Variants in BARX2 observed in about 807,000 individuals in gnomAD.
BARX2 encodes the protein BARX homeobox 2.
In BARX2, 11 loss-of-function variants were observed where a neutral mutation model predicts 25.5. The ratio of observed to expected loss-of-function variants is 0.43; its 90% CI spans 0.27 to 0.71. BARX2 has a LOEUF of 0.71. Ranked by LOEUF, BARX2 falls within the 30% of genes least tolerant of loss-of-function variation. The pLI is 0.19. For missense variants in BARX2, 360 were observed against 359.9 expected (o/e 1.00, Z 0.00); for synonymous variants, 137 against 149.5 (o/e 0.92, Z 0.61).
intron 1 of BARX2, among the ~76,000 whole-genome samples, chr11:129,422,226 GC>G (rs1265158279): frequency 1.3e-5 from 2 of 152,104 alleles, no homozygotes; most frequent in Non-Finnish European, 2.9e-5. Context: ...TAAATCATCT[GC>G]CATCCTGGCT....
intron 1 of BARX2, among the ~76,000 whole-genome samples, chr11:129,431,732 A>AT (rs151154433): frequency 1.3e-5 from 2 of 152,056 alleles, no homozygotes; most frequent in Admixed American, 6.5e-5. Flanking sequence ...AGCTTTTTTC[A>AT]TTTTCTTAAC....
Position 129,442,824 on chromosome 11 carries a change from G to T in BARX2, c.489-11G>T. On this transcript the variant is annotated splice_polypyrimidine_tract_variant and intron_variant, in intron 2 of 3. Transcript: ENST00000281437. ...TCTGCTCACCTTTCCTTTGTATCTT[G>T]TGCCTTCTAGGTTGGACTTGGCTCA... 1.2e-6 allele frequency: 2 copies of T among 1,610,494 alleles called. No homozygotes were observed. The highest frequency in any genetic ancestry group is 1.7e-6 in the Non-Finnish European group (2 of 1,176,784).
At chr11:129,397,201 T>C (rs1861729366) in intron 1 of BARX2, among the ~76,000 whole-genome samples, 1 of 151,846 alleles carries the variant, frequency 6.6e-6, no homozygotes. Flanking sequence ...GGAGGATCTC[T>C]TGAACCTGGA....
At chr11:129,388,410 C>T (rs999872140) in intron 1 of BARX2, among the ~76,000 whole-genome samples, 4 of 152,074 alleles carry the variant, frequency 2.6e-5, no homozygotes, top group East Asian at 3.9e-4. Context: ...GTGTAGCATT[C>T]GCTACCAATC....
chr11:129,408,606 A>G (rs1268531824), intron 1 of BARX2, among the ~76,000 whole-genome samples: 1 of 152,024 alleles, frequency 6.6e-6, no homozygotes, highest in African/African-American at 2.4e-5. Context: ...CACTCTCTGG[A>G]ACACTCTCTG....
At chr11:129,395,986 C>T (rs1019456346) in intron 1 of BARX2, among the ~76,000 whole-genome samples, 3 of 152,158 alleles carry the variant, frequency 2.0e-5, no homozygotes, top group Non-Finnish European at 1.5e-5. Flanking sequence ...TCTGTTTCTA[C>T]AGCAGAAAGC....
chr11:129,435,791 G>C (rs1862181420), intron 1 of BARX2, among the ~76,000 whole-genome samples: 1 of 152,142 alleles, frequency 6.6e-6, no homozygotes, highest in African/African-American at 2.4e-5. Context: ...ATAATCAAAG[G>C]GAAAAGCTCT....
intron 1 of BARX2, among the ~76,000 whole-genome samples, chr11:129,380,471 C>G (rs1453216852): frequency 6.6e-6 from 1 of 152,102 alleles, no homozygotes; most frequent in Non-Finnish European, 1.5e-5. Context: ...CTCTCCAAAT[C>G]TCAGCTTGGT....
chr11:129,413,192 G>A (rs59118607), intron 1 of BARX2, among the ~76,000 whole-genome samples: 16,124 of 152,218 alleles, frequency 0.11, 2,207 homozygotes, highest in African/African-American at 0.31. Context: ...TCTTATTCTC[G>A]TAATATATTT....
intron 1 of BARX2, among the ~76,000 whole-genome samples, chr11:129,432,935 G>A (rs1004021809): frequency 1.3e-5 from 2 of 152,020 alleles, no homozygotes; most frequent in Non-Finnish European, 2.9e-5. Context: ...AGATGTTGGC[G>A]TGCCCCAGAG....
chr11:129,378,972 G>C (rs760475954), intron 1 of BARX2, among the ~76,000 whole-genome samples: 1 of 152,068 alleles, frequency 6.6e-6, no homozygotes, highest in Non-Finnish European at 1.5e-5. Context: ...AATGGGAATA[G>C]TTTTCATCTC....
intron 3 of BARX2, among the ~76,000 whole-genome samples, chr11:129,444,996 G>A (rs538170159): frequency 1.1e-3 from 161 of 150,682 alleles, no homozygotes; most frequent in African/African-American, 3.4e-3. Flanking sequence ...GCAAGACTCC[G>A]TCTCAAAAAA....
At chr11:129,409,049 GAGCT>G (rs150052794) in intron 1 of BARX2, among the ~76,000 whole-genome samples, 6,268 of 152,122 alleles carry the variant, frequency 0.041, 454 homozygotes, top group African/African-American at 0.14. Context: ...TGTGGGCCAG[GAGCT>G]AGCTACCCAT....
intron 3 of BARX2, among the ~76,000 whole-genome samples, chr11:129,447,355 T>C (rs1862343115): frequency 6.6e-6 from 1 of 152,146 alleles, no homozygotes; most frequent in Admixed American, 6.5e-5. Flanking sequence ...GTGGATGGTG[T>C]CCTAGGTGTT....
chr11:129,377,709 A>G (rs1861518473), intron 1 of BARX2, among the ~76,000 whole-genome samples: 1 of 152,234 alleles, frequency 6.6e-6, no homozygotes. Context: ...TAATAACTCA[A>G]TTCCCTTCGA....
intron 1 of BARX2, among the ~76,000 whole-genome samples, chr11:129,393,642 C>T (rs2135389219): frequency 6.6e-6 from 1 of 151,804 alleles, no homozygotes; most frequent in Admixed American, 6.6e-5. Flanking sequence ...TTATCCACAA[C>T]CTTAGGAACT....
intron 1 of BARX2, among the ~76,000 whole-genome samples, chr11:129,417,399 A>G (rs958000804): frequency 6.6e-6 from 1 of 152,114 alleles, no homozygotes; most frequent in African/African-American, 2.4e-5. Flanking sequence ...TGTGCGGTGA[A>G]GAGGGAAGGC....
chr11:129,418,659 C>T (rs529634541), intron 1 of BARX2, among the ~76,000 whole-genome samples: 10 of 152,226 alleles, frequency 6.6e-5, no homozygotes, highest in East Asian at 1.9e-4. Context: ...ATCTCTATCA[C>T]GAATGAAAAC....
intron 3 of BARX2, among the ~76,000 whole-genome samples, chr11:129,444,724 C>G (rs3019119): frequency 0.3 from 45,732 of 152,006 alleles, 7,060 homozygotes; most frequent in African/African-American, 0.33. Flanking sequence ...GGAAGTGGCC[C>G]GGCACGGTGG....
Sources: gnomAD v4.1 joint callset for allele counts (sites outside exome capture counted in the v4.1 genomes callset) on GRCh38, gnomAD v4.1.1 for gene constraint, MANE v1.5 for transcripts, NCBI Gene and HGNC (gene_info 2026-07-23, HGNC 2026-07-21) for gene names.